ARL8B: variants seen among roughly 807,000 people sequenced by gnomAD.
ARL8B encodes the protein ADP-ribosylation factor-like protein 8B.
In ARL8B, 9 loss-of-function variants were observed where a neutral mutation model predicts 30.6. The ratio of observed to expected loss-of-function variants is 0.29; its 90% confidence interval spans 0.18 to 0.51. The LOEUF is 0.51. ARL8B is among the 20% of genes least tolerant of loss of function. The pLI is 0.97. For missense variants in ARL8B, 130 were observed against 227.2 expected (o/e 0.57, Z 2.75); for synonymous variants, 74 against 76.0 (o/e 0.97, Z 0.14).
intron 1 of ARL8B, among the ~76,000 whole-genome samples, chr3:5,163,140 A>G (rs2054596075): frequency 1.3e-5 from 2 of 151,960 alleles, no homozygotes; most frequent in African/African-American, 4.8e-5. Flanking sequence ...GGTGTGTGCC[A>G]CCACACCCAG....
At position 5,129,959 on chromosome 3, in the gene ARL8B, G is replaced by A. The variant is rs571131021; in HGVS notation, c.123+7371G>A. The stretch of plus-strand genomic sequence containing the variant: ...GCTCACTGCAACCTCTGCCTCCTGG[G>A]TTCAAGTGATTCTCCTGCCTCAGCC... On this transcript the variant is annotated intron_variant, in intron 1 of 6. Transcript: ENST00000256496. Among the ~76,000 whole-genome samples the A allele has an allele frequency of 2.8e-4, 42 of 152,182 alleles. No homozygotes were observed. The Middle Eastern group carries it at 0.014, about 50-fold the overall frequency.
chr3:5,149,085 C>T (rs1163593908), intron 1 of ARL8B, among the ~76,000 whole-genome samples: 2 of 152,210 alleles, frequency 1.3e-5, no homozygotes, highest in Non-Finnish European at 2.9e-5. Flanking sequence ...ATTGGGACTC[C>T]GCACTTGCTT....
intron 1 of ARL8B, among the ~76,000 whole-genome samples, chr3:5,154,084 T>A (rs964119827): frequency 1.3e-5 from 2 of 152,216 alleles, no homozygotes; most frequent in African/African-American, 4.8e-5. Context: ...GCAGTTTAAT[T>A]GTGATATATC....
intron 6 of ARL8B, among the ~76,000 whole-genome samples, chr3:5,177,707 G>A (rs568536292): frequency 5.3e-5 from 8 of 152,102 alleles, no homozygotes; most frequent in Admixed American, 3.3e-4. Context: ...CACCTGCCTC[G>A]GCCTCCCAAA....
intron 1 of ARL8B, among the ~76,000 whole-genome samples, chr3:5,136,617 G>C (rs2054327940): frequency 6.6e-6 from 1 of 152,098 alleles, no homozygotes; most frequent in Non-Finnish European, 1.5e-5. Flanking sequence ...TCTTTCCTAG[G>C]AACACTTACA....
chr3:5,176,795 T>C (rs1401847967), intron 6 of ARL8B, among the ~76,000 whole-genome samples: 3 of 152,340 alleles, frequency 2.0e-5, no homozygotes, highest in Admixed American at 6.5e-5. Context: ...ATTTAAGATA[T>C]GCCCCATGAG....
intron 1 of ARL8B, among the ~76,000 whole-genome samples, chr3:5,136,230 G>A (rs1165556889): frequency 6.6e-6 from 1 of 152,124 alleles, no homozygotes; most frequent in Non-Finnish European, 1.5e-5. Flanking sequence ...TTTATAAAAT[G>A]TTTTCACGTA....
intron 1 of ARL8B, among the ~76,000 whole-genome samples, chr3:5,134,135 C>T (rs1451156913): frequency 6.6e-6 from 1 of 152,196 alleles, no homozygotes; most frequent in East Asian, 1.9e-4. Context: ...AGTTGAGATC[C>T]ATTCCTAGTT....
intron 1 of ARL8B, among the ~76,000 whole-genome samples, chr3:5,131,061 C>T (rs941256057): frequency 1.7e-4 from 26 of 150,992 alleles, no homozygotes; most frequent in Admixed American, 4.6e-4. Flanking sequence ...TACAGGCACC[C>T]GCCACCACGC....
At chr3:5,134,850 T>C (rs2054311466) in intron 1 of ARL8B, among the ~76,000 whole-genome samples, 1 of 152,184 alleles carries the variant, frequency 6.6e-6, no homozygotes, top group Non-Finnish European at 1.5e-5. Context: ...ACCTTCACTA[T>C]GTCATTCTTT....
chr3:5,157,187 C>G (rs552365269), intron 1 of ARL8B, among the ~76,000 whole-genome samples: 3 of 152,048 alleles, frequency 2.0e-5, no homozygotes, highest in African/African-American at 7.2e-5. Flanking sequence ...ATGTGCCACA[C>G]AGGGGTCAAC....
chr3:5,147,167 G>A (rs1017444991), intron 1 of ARL8B, among the ~76,000 whole-genome samples: 5 of 151,784 alleles, frequency 3.3e-5, no homozygotes, highest in African/African-American at 4.8e-5. Flanking sequence ...GCTATCCCCC[G>A]CCTCCTCCTA....
chr3:5,126,215 A>G (rs1282714470), intron 1 of ARL8B, among the ~76,000 whole-genome samples: 2 of 152,098 alleles, frequency 1.3e-5, no homozygotes, highest in Non-Finnish European at 2.9e-5. Flanking sequence ...GTGATTAAAG[A>G]TGATTTTAGA....
At position 5,122,387 on chromosome 3, in the gene ARL8B, G is replaced by A. The variant is rs1179672916; in HGVS notation, c.-79G>A. ...ACCAAGGAGCCGTTGGAGGGTCCGGGCGGAGGCCCGCTCGTGTGGAAGTCG... is the reference window on the plus strand; with the variant it reads ...ACCAAGGAGCCGTTGGAGGGTCCGGACGGAGGCCCGCTCGTGTGGAAGTCG... On this transcript the variant is annotated 5_prime_UTR_variant, in exon 1 of 7. Transcript: ENST00000256496. The A allele has an allele frequency of 3.1e-6, 5 of 1,596,852 alleles. No homozygotes were observed. The highest frequency in any genetic ancestry group is 1.3e-5 in the African/African-American group (1 of 74,498).
chr3:5,172,065 C>A, intron 2 of ARL8B, 85 bp from the exon 3 acceptor site: 2 of 1,292,394 alleles, frequency 1.5e-6, no homozygotes. Context: ...TATATCTTCC[C>A]GATCTTTCTT....
intron 1 of ARL8B, among the ~76,000 whole-genome samples, chr3:5,139,773 T>C (rs1233271558): frequency 6.6e-6 from 1 of 152,128 alleles, no homozygotes; most frequent in African/African-American, 2.4e-5. Context: ...CTTAGAGAAA[T>C]GAAACTGAAC....
At chr3:5,122,699 G>A in intron 1 of ARL8B, 111 bp downstream of exon 1, 1 of 1,266,710 alleles carries the variant, frequency 7.9e-7, no homozygotes, top group South Asian at 1.6e-5. Flanking sequence ...CTGATGGCGG[G>A]GGGCGTGCGA....
intron 1 of ARL8B, among the ~76,000 whole-genome samples, chr3:5,137,725 ACCATGCC>A (rs929666262): frequency 2.8e-4 from 43 of 152,218 alleles, no homozygotes; most frequent in African/African-American, 9.4e-4. Flanking sequence ...GGCGTGAGCC[ACCATGCC>A]CAGCCCTTTT....
chr3:5,172,524 ATAGTT>A, intron 3 of ARL8B, 118 bp from the exon 4 acceptor site: 1 of 715,352 alleles, frequency 1.4e-6, no homozygotes, highest in Non-Finnish European at 2.3e-6. Flanking sequence ...TTCTTATGAC[ATAGTT>A]TATTTTGGTT....
Sources: allele counts gnomAD v4.1 joint callset (sites outside exome capture counted in the v4.1 genomes callset), GRCh38; gene constraint gnomAD v4.1.1; transcripts MANE v1.5; gene names NCBI Gene and HGNC (gene_info 2026-07-23, HGNC 2026-07-21).